The following TARS3 variants were observed in gnomAD, a reference collection of about 807,000 sequenced individuals.
TARS3 encodes threonyl-tRNA synthetase 3.
In TARS3, 94 loss-of-function variants were observed where a neutral mutation model predicts 103.5. The observed-to-expected ratio is 0.91, with a 90% CI of 0.77 to 1.08. TARS3 has a LOEUF of 1.08. Ranked by LOEUF, TARS3 falls within the 50% of genes least tolerant of loss-of-function variation. TARS3 has a pLI of 0.00. For synonymous variants in TARS3, 416 were observed against 355.4 expected (o/e 1.17, Z -1.92); for missense variants, 952 against 995.2 (o/e 0.96, Z 0.58).
intron 16 of TARS3, among the ~76,000 whole-genome samples, chr15:101,659,439 A>G (rs1897299495): frequency 6.6e-6 from 1 of 152,112 alleles, no homozygotes; most frequent in South Asian, 2.1e-4. Flanking sequence ...CCTCTCAAGG[A>G]CCCACACTTT....
chr15:101,659,330 C>G (rs1360087960), intron 16 of TARS3, among the ~76,000 whole-genome samples: 1 of 152,092 alleles, frequency 6.6e-6, no homozygotes, highest in Non-Finnish European at 1.5e-5. Context: ...AAACACAAAA[C>G]AATACATGAT....
At chr15:101,677,328 TTCTC>T (rs1210337397) in intron 12 of TARS3, among the ~76,000 whole-genome samples, 1 of 152,048 alleles carries the variant, frequency 6.6e-6, no homozygotes, top group Non-Finnish European at 1.5e-5. Flanking sequence ...GAAAGGCAAA[TTCTC>T]TCTCTTTTTG....
intron 10 of TARS3, among the ~76,000 whole-genome samples, chr15:101,695,048 T>C (rs1257674175): frequency 2.6e-5 from 4 of 152,330 alleles, no homozygotes; most frequent in East Asian, 3.9e-4. Flanking sequence ...TGAGAATGAA[T>C]TGCATACTTA....
chr15:101,676,170 T>C (rs1161127622), intron 12 of TARS3, among the ~76,000 whole-genome samples: 1 of 152,094 alleles, frequency 6.6e-6, no homozygotes, highest in Non-Finnish European at 1.5e-5. Context: ...AGGGGCAGTG[T>C]GGTAGGTGGG....
At chr15:101,676,345 G>C (rs1898025794) in intron 12 of TARS3, among the ~76,000 whole-genome samples, 1 of 152,192 alleles carries the variant, frequency 6.6e-6, no homozygotes, top group East Asian at 1.9e-4. Context: ...GGAATGAACT[G>C]GCAAGATTAG....
intron 6 of TARS3, among the ~76,000 whole-genome samples, chr15:101,708,017 G>A (rs190700259): frequency 1.3e-5 from 2 of 152,010 alleles, no homozygotes; most frequent in Non-Finnish European, 1.5e-5. Flanking sequence ...GCTGAGGGGG[G>A]TAGATCACTT....
chr15:101,697,814 A>G (rs1300571999), intron 10 of TARS3, among the ~76,000 whole-genome samples: 2 of 152,186 alleles, frequency 1.3e-5, no homozygotes, highest in African/African-American at 4.8e-5. Flanking sequence ...AAGGCTCTGA[A>G]GACTCTGCAG....
chr15:101,698,844 T>C lies in TARS3; in HGVS notation c.1320+2242A>G, dbSNP rs550557206. On this transcript the variant is annotated intron_variant, in intron 10 of 18. Transcript: ENST00000335968. ...GAGCCTTGGAATTATTTGTTAAGAA[T>C]AGAACACTTTGGAAGAGTAGAATGG... Among the ~76,000 whole-genome samples, 19 of 152,332 alleles carry C rather than the reference T, an allele frequency of 1.2e-4. No individual in the cohort carries two copies. In the East Asian group the frequency reaches 2.9e-3, roughly 23 times the overall value.
At chr15:101,655,838 C>G in intron 18 of TARS3, 1 of 1,256,458 alleles carries the variant, frequency 8.0e-7, no homozygotes, top group Non-Finnish European at 1.0e-6. Flanking sequence ...GGAGCTCTTA[C>G]AGGCTCACGC....
At chr15:101,691,274 TTA>T (rs67629619) in intron 10 of TARS3, among the ~76,000 whole-genome samples, 42,251 of 135,410 alleles carry the variant, frequency 0.31, 6,005 homozygotes, top group East Asian at 0.43. Context: ...ACCTCAGTAT[TTA>T]TATATATATA....
Position 101,655,895 on chromosome 15 carries a change from C to T in TARS3, c.2260+1027G>A, listed in dbSNP as rs1897183514. The T allele has an allele frequency of 3.1e-6, 4 of 1,288,690 alleles. No individual in the cohort carries two copies. The Admixed American group carries it at 9.2e-5, about 30-fold the overall frequency. The allele number at this position is 1,288,690 out of a possible 1,614,324, so 79.8% of individuals were successfully genotyped here. A position where few individuals can be genotyped will look rare whatever the true frequency, so the allele number is the denominator to read the frequency against. ...ATGAGCCAAGGAGTGGACACCAGAC[C>T]CATGCGAGCCAGCCAGAACTTTCTG... On this transcript the variant is annotated intron_variant, in intron 18 of 18. Transcript: ENST00000335968.
At chr15:101,711,285 C>G (rs183760242) in intron 5 of TARS3, among the ~76,000 whole-genome samples, 65 of 152,314 alleles carry the variant, frequency 4.3e-4, no homozygotes, top group African/African-American at 1.0e-3. Flanking sequence ...CTAGATTTGA[C>G]TAAAAATAAT....
chr15:101,705,927 C>T (rs910685609), intron 6 of TARS3, among the ~76,000 whole-genome samples, 180 bp from the exon 7 acceptor site: 6 of 152,098 alleles, frequency 3.9e-5, no homozygotes, highest in South Asian at 2.1e-4. Context: ...CCACAAGCCA[C>T]GTGGCTACTG....
chr15:101,708,678 C>A (rs1899701421), intron 6 of TARS3, 115 bp downstream of exon 6: 1 of 753,688 alleles, frequency 1.3e-6, no homozygotes, highest in Non-Finnish European at 2.3e-6. Context: ...AGTAGCTTAA[C>A]AGGATTGGAA....
chr15:101,689,450 G>C, intron 10 of TARS3, among the ~76,000 whole-genome samples: 1 of 152,166 alleles, frequency 6.6e-6, no homozygotes, highest in East Asian at 1.9e-4. Context: ...GGTCTTTATA[G>C]AGGTAATCAA....
At chr15:101,675,080 GA>G (rs199883822) in intron 13 of TARS3, among the ~76,000 whole-genome samples, 3 of 151,770 alleles carry the variant, frequency 2.0e-5, no homozygotes, top group Admixed American at 1.3e-4. Context: ...TGTTTATTAA[GA>G]AAAAAAAGCA....
At chr15:101,671,825 T>C (rs1365828614) in intron 13 of TARS3, 77 bp from the exon 14 acceptor site, 7 of 1,147,428 alleles carry the variant, frequency 6.1e-6, no homozygotes, top group African/African-American at 3.1e-5. Context: ...AAAGTTACTA[T>C]AACTCTTCAT....
At chr15:101,708,935 C>A in intron 5 of TARS3, 25 bp from the exon 6 acceptor site, 1 of 1,439,714 alleles carries the variant, frequency 6.9e-7, no homozygotes, top group Non-Finnish European at 9.4e-7. Flanking sequence ...AGAGAACCGA[C>A]ATCCATCTTC....
chr15:101,654,826 TCAC>T (rs1897138271), intron 18 of TARS3, 96 bp from the exon 19 acceptor site: 1 of 1,197,346 alleles, frequency 8.4e-7, no homozygotes, highest in Non-Finnish European at 1.2e-6. Flanking sequence ...AAGTTTTTCT[TCAC>T]TAATATTAAA....
Sources: allele counts gnomAD v4.1 joint callset (sites outside exome capture counted in the v4.1 genomes callset), GRCh38; gene constraint gnomAD v4.1.1; transcripts MANE v1.5; gene names NCBI Gene and HGNC (gene_info 2026-07-23, HGNC 2026-07-21).